RTL4: variants seen among roughly 807,000 people sequenced by gnomAD.
RTL4 encodes the protein retrotransposon Gag like 4.
RTL4 carries 4 observed loss-of-function variants against 5.3 expected under a neutral mutation model. The observed-to-expected ratio is 0.75, with a 90% CI of 0.37 to 1.72. The LOEUF is 1.72. RTL4 is among the 40% of genes most tolerant of loss of function. The pLI is 0.04. For missense variants in RTL4, 260 were observed against 227.1 expected (o/e 1.14, Z -0.93); for synonymous variants, 98 against 87.3 (o/e 1.12, Z -0.68).
chrX:112,331,579 C>G, the RTL4 span, among the ~76,000 whole-genome samples: 4 of 106,120 alleles, frequency 3.8e-5, no homozygotes, highest in Admixed American at 3.1e-4. Flanking sequence ...ACTAGTTCAA[C>G]CATTGTGGAA....
At chrX:112,145,241 T>C in the RTL4 span, among the ~76,000 whole-genome samples, 1 of 111,884 alleles carries the variant, frequency 8.9e-6, no homozygotes, top group Non-Finnish European at 1.9e-5. Context: ...TGGATCCTTC[T>C]TAATTACTCT....
chrX:112,363,661 C>G, the RTL4 span, among the ~76,000 whole-genome samples: 1 of 111,596 alleles, frequency 9.0e-6, no homozygotes, highest in Non-Finnish European at 1.9e-5. Flanking sequence ...CAATTACACT[C>G]TGTGAAATGC....
chrX:112,284,767 T>C, the RTL4 span, among the ~76,000 whole-genome samples: 1 of 111,742 alleles, frequency 8.9e-6, no homozygotes, highest in African/African-American at 3.3e-5. Context: ...TGACAACTCA[T>C]TGTGCCTCTA....
At chrX:112,419,254 A>G in the RTL4 span, among the ~76,000 whole-genome samples, 1 of 96,274 alleles carries the variant, frequency 1.0e-5, no homozygotes, top group East Asian at 3.6e-4. Flanking sequence ...TCATTTCTAT[A>G]GAGAGATACA....
the RTL4 span, among the ~76,000 whole-genome samples, chrX:112,340,073 G>C: frequency 8.9e-6 from 1 of 112,652 alleles, no homozygotes; most frequent in Admixed American, 9.4e-5. Flanking sequence ...TTTAGCCAGG[G>C]CTAGGTTTGT....
the RTL4 span, among the ~76,000 whole-genome samples, chrX:112,240,360 G>A: frequency 8.9e-6 from 1 of 111,925 alleles, no homozygotes; most frequent in Non-Finnish European, 1.9e-5. Flanking sequence ...TTGTGTTACT[G>A]GAGTCTTGGA....
chrX:112,300,915 G>T, the RTL4 span, among the ~76,000 whole-genome samples: 16 of 111,456 alleles, frequency 1.4e-4, no homozygotes, highest in South Asian at 3.8e-4. Context: ...AGAAGCCAGA[G>T]ATCAGGGCAA....
At chrX:112,139,811 A>C in the RTL4 span, among the ~76,000 whole-genome samples, 1 of 111,882 alleles carries the variant, frequency 8.9e-6, no homozygotes. Context: ...AGTGGGAGAT[A>C]ATTTGAATCA....
At chrX:112,366,426 A>G in the RTL4 span, among the ~76,000 whole-genome samples, 1 of 111,251 alleles carries the variant, frequency 9.0e-6, no homozygotes, top group East Asian at 2.9e-4. Flanking sequence ...CAAGCTCTGG[A>G]TGTGCCCCAG....
chrX:112,146,492 C>A, the RTL4 span, among the ~76,000 whole-genome samples: 2 of 110,808 alleles, frequency 1.8e-5, no homozygotes, highest in African/African-American at 6.6e-5. Flanking sequence ...TTTGAACATA[C>A]GGAGATAATT....
At chrX:112,120,512 G>A in the RTL4 span, among the ~76,000 whole-genome samples, 17,929 of 108,277 alleles carry the variant, frequency 0.17, 2,440 homozygotes, top group African/African-American at 0.44. Context: ...TCCTGACCTC[G>A]TGATCTGCCC....
the RTL4 span, among the ~76,000 whole-genome samples, chrX:112,247,840 A>G: frequency 3.6e-5 from 4 of 111,672 alleles, no homozygotes; most frequent in African/African-American, 6.5e-5. Context: ...TGAGGGTCCT[A>G]TTGGCCTCAA....
At chrX:112,234,554 G>A in the RTL4 span, among the ~76,000 whole-genome samples, 3 of 111,787 alleles carry the variant, frequency 2.7e-5, no homozygotes, top group African/African-American at 6.5e-5. Context: ...TGGTCGACTC[G>A]CCAAGGTTTG....
the RTL4 span, among the ~76,000 whole-genome samples, chrX:112,267,666 T>G: frequency 1.1e-3 from 125 of 111,651 alleles, 1 homozygote; most frequent in East Asian, 0.033. Flanking sequence ...CAAAATGGAA[T>G]TCCCCATCTT....
chrX:112,435,532 G>T, the RTL4 span, among the ~76,000 whole-genome samples: 1 of 111,984 alleles, frequency 8.9e-6, no homozygotes, highest in African/African-American at 3.2e-5. Context: ...AAATTTGAAA[G>T]AAGTAATTGC....
upstream of RTL4, among the ~76,000 whole-genome samples, chrX:112,452,041 T>G (rs945188305): frequency 9.1e-6 from 1 of 109,840 alleles, no homozygotes; most frequent in African/African-American, 3.3e-5. Flanking sequence ...CTGAGTTGAT[T>G]CTTATGACAT....
chrX:112,336,726 A>G, the RTL4 span, among the ~76,000 whole-genome samples: 1 of 112,130 alleles, frequency 8.9e-6, no homozygotes, highest in South Asian at 3.7e-4. Flanking sequence ...CAGCACATAT[A>G]TGGAACATTT....
At chrX:112,339,582 A>G in the RTL4 span, among the ~76,000 whole-genome samples, 1 of 112,600 alleles carries the variant, frequency 8.9e-6, no homozygotes, top group Non-Finnish European at 1.9e-5. Flanking sequence ...CATGAAAATA[A>G]GAACCATGTA....
At chrX:112,306,202 C>T in the RTL4 span, among the ~76,000 whole-genome samples, 835 of 111,297 alleles carry the variant, frequency 7.5e-3, 3 homozygotes, top group Middle Eastern at 0.023. Context: ...TCGCCCCACC[C>T]AGAACAGCCC....
Sources: gnomAD v4.1 joint callset for allele counts (sites outside exome capture counted in the v4.1 genomes callset) on GRCh38, gnomAD v4.1.1 for gene constraint, MANE v1.5 for transcripts, NCBI Gene and HGNC (gene_info 2026-07-23, HGNC 2026-07-21) for gene names.